GABRA2: variants seen among roughly 807,000 people sequenced by gnomAD.
The protein encoded by GABRA2 is gamma-aminobutyric acid receptor subunit alpha-2.
A neutral mutation model predicts 48.7 loss-of-function variants in GABRA2; 16 were observed. The observed-to-expected ratio is 0.33, with a 90% confidence interval of 0.22 to 0.50. The LOEUF is 0.50. Ranked by LOEUF, GABRA2 falls within the 20% of genes least tolerant of loss-of-function variation. The pLI is 0.98. For synonymous variants in GABRA2, 185 were observed against 184.5 expected (o/e 1.00, Z -0.02); for missense variants, 275 against 535.6 (o/e 0.51, Z 4.80).
intron 7 of GABRA2, among the ~76,000 whole-genome samples, chr4:46,304,900 G>C (rs1726389041): frequency 7.0e-6 from 1 of 142,568 alleles, no homozygotes; most frequent in Admixed American, 7.4e-5. Flanking sequence ...ACTCCAGCCT[G>C]GTGACAGAGC....
At chr4:46,265,022 T>TAGAG (rs143456622) in intron 8 of GABRA2, among the ~76,000 whole-genome samples, 77 of 135,554 alleles carry the variant, frequency 5.7e-4, no homozygotes, top group Middle Eastern at 3.9e-3. Flanking sequence ...GAGAGAGAGA[T>TAGAG]AGAGAGAGAG....
chr4:46,291,265 T>C (rs1463678918), intron 8 of GABRA2, among the ~76,000 whole-genome samples: 2 of 152,222 alleles, frequency 1.3e-5, no homozygotes, highest in African/African-American at 4.8e-5. Context: ...TCTCCACTTA[T>C]AATAGGTCTG....
intron 3 of GABRA2, among the ~76,000 whole-genome samples, chr4:46,376,004 T>G (rs1490744214): frequency 6.6e-6 from 1 of 152,204 alleles, no homozygotes; most frequent in Non-Finnish European, 1.5e-5. Context: ...TAATGGACCA[T>G]GTGTTCTGTG....
chr4:46,308,145 A>G (rs1727026562), intron 6 of GABRA2, among the ~76,000 whole-genome samples: 2 of 152,286 alleles, frequency 1.3e-5, no homozygotes, highest in South Asian at 2.1e-4. Flanking sequence ...TTAGCTGTCA[A>G]TTTTTAATCT....
intron 6 of GABRA2, among the ~76,000 whole-genome samples, chr4:46,307,444 T>G (rs1726891966): frequency 1.3e-5 from 2 of 150,010 alleles, no homozygotes; most frequent in African/African-American, 4.9e-5. Context: ...TATGAAGTTT[T>G]TTTTTTTTTT....
At chr4:46,324,153 C>A (rs1729927070) in intron 4 of GABRA2, among the ~76,000 whole-genome samples, 1 of 152,004 alleles carries the variant, frequency 6.6e-6, no homozygotes, top group East Asian at 1.9e-4. Flanking sequence ...CCACAATCAG[C>A]AAATACTTCT....
intron 8 of GABRA2, among the ~76,000 whole-genome samples, chr4:46,283,960 C>T (rs1722030909): frequency 6.6e-6 from 1 of 151,744 alleles, no homozygotes; most frequent in Non-Finnish European, 1.5e-5. Flanking sequence ...GGGGTTTCAC[C>T]GTGTTAGCCA....
chr4:46,372,515 T>C (rs1184978596), intron 3 of GABRA2, among the ~76,000 whole-genome samples: 1 of 152,176 alleles, frequency 6.6e-6, no homozygotes, highest in African/African-American at 2.4e-5. Flanking sequence ...CGATGTTCTT[T>C]AAGCCACCTT....
At chr4:46,263,084 C>T (rs1717383088) in intron 8 of GABRA2, among the ~76,000 whole-genome samples, 1 of 151,418 alleles carries the variant, frequency 6.6e-6, no homozygotes. Flanking sequence ...TACATATATA[C>T]ATATACATAT....
At chr4:46,361,266 T>C (rs1437720784) in intron 3 of GABRA2, among the ~76,000 whole-genome samples, 1 of 151,900 alleles carries the variant, frequency 6.6e-6, no homozygotes, top group Non-Finnish European at 1.5e-5. Flanking sequence ...AAAATGGGCC[T>C]GGCCGAGGGT....
At chr4:46,270,271 T>C (rs1719070127) in intron 8 of GABRA2, among the ~76,000 whole-genome samples, 1 of 152,026 alleles carries the variant, frequency 6.6e-6, no homozygotes, top group Non-Finnish European at 1.5e-5. Flanking sequence ...CCTTCCTGTC[T>C]TCCCTTTCTT....
At chr4:46,291,178 T>TAAA (rs2109535321) in intron 8 of GABRA2, among the ~76,000 whole-genome samples, 1 of 152,292 alleles carries the variant, frequency 6.6e-6, no homozygotes, top group Admixed American at 6.5e-5. Context: ...TAAAAATATT[T>TAAA]GGTAGAATTA....
intron 4 of GABRA2, 94 bp downstream of exon 4, chr4:46,332,521 C>G (rs1313029955): frequency 2.7e-6 from 2 of 745,126 alleles, no homozygotes; most frequent in Non-Finnish European, 4.8e-6. Context: ...GAGACATATA[C>G]ATAATTCTAT....
intron 3 of GABRA2, among the ~76,000 whole-genome samples, chr4:46,334,556 C>T (rs1403820847): frequency 6.6e-6 from 1 of 151,880 alleles, no homozygotes; most frequent in Non-Finnish European, 1.5e-5. Flanking sequence ...AGTTAGAATC[C>T]AAGAAATGAC....
intron 5 of GABRA2, among the ~76,000 whole-genome samples, chr4:46,311,439 G>A (rs1727626214): frequency 6.6e-6 from 1 of 152,150 alleles, no homozygotes; most frequent in Non-Finnish European, 1.5e-5. Context: ...GATGTCAGAT[G>A]TCTGTTTTAA....
chr4:46,331,202 T>C (rs764259143), intron 4 of GABRA2, among the ~76,000 whole-genome samples: 19 of 152,182 alleles, frequency 1.2e-4, no homozygotes, highest in Non-Finnish European at 2.6e-4. Context: ...TAAAAGCACT[T>C]AAATCTTGAC....
At chr4:46,303,392 G>C in intron 8 of GABRA2, 68 bp downstream of exon 8, 2 of 1,431,754 alleles carry the variant, frequency 1.4e-6, no homozygotes, top group Non-Finnish European at 2.0e-6. Flanking sequence ...AGGATCAAGA[G>C]AGATAATGTT....
chr4:46,303,720 A>G (rs1050544576), intron 7 of GABRA2, 108 bp from the exon 8 acceptor site: 2 of 843,344 alleles, frequency 2.4e-6, no homozygotes, highest in South Asian at 1.8e-5. Flanking sequence ...AAAAAATAAT[A>G]TATCACATAC....
intron 6 of GABRA2, among the ~76,000 whole-genome samples, chr4:46,309,511 A>C (rs966815415): frequency 6.6e-6 from 1 of 151,952 alleles, no homozygotes; most frequent in Non-Finnish European, 1.5e-5. Context: ...CCAGAATGTC[A>C]TGTGGGCCTA....
Sources: allele counts gnomAD v4.1 joint callset (sites outside exome capture counted in the v4.1 genomes callset), GRCh38; gene constraint gnomAD v4.1.1; transcripts MANE v1.5; gene names NCBI Gene and HGNC (gene_info 2026-07-23, HGNC 2026-07-21).